Variants in KYNU observed in about 807,000 individuals in gnomAD.
KYNU encodes kynureninase, also known as L-kynurenine hydrolase.
In KYNU, 54 loss-of-function variants were observed where a neutral mutation model predicts 59.2. The observed-to-expected ratio is 0.91, with a 90% CI of 0.73 to 1.14. The LOEUF (loss-of-function observed/expected upper bound fraction) is 1.14, where lower values mean the gene tolerates loss of function less well. KYNU is among the 50% of genes most tolerant of loss of function. The probability of loss-of-function intolerance (pLI) is 0.00; values close to 1 mark genes in which losing one functional copy is unlikely to be tolerated. For missense variants in KYNU, 567 were observed against 554.4 expected, an observed-to-expected ratio of 1.02 and a Z score of -0.23; for synonymous variants, 177 against 192.0, an observed-to-expected ratio of 0.92 and a Z score of 0.65.
At chr2:142,895,843 C>A (rs1251021187) in intron 2 of KYNU, among the ~76,000 whole-genome samples, 1 of 152,110 alleles carries the variant, frequency 6.6e-6, no homozygotes, top group African/African-American at 2.4e-5. Flanking sequence ...CACCACCACA[C>A]CAGTCTCATT....
At chr2:143,021,355 G>A (rs535066070) in intron 10 of KYNU, among the ~76,000 whole-genome samples, 2 of 152,030 alleles carry the variant, frequency 1.3e-5, no homozygotes, top group Non-Finnish European at 2.9e-5. Context: ...TTTCCCAAAT[G>A]ACATTAGAAT....
At chr2:142,910,131 C>CTTTTTTTTTT in intron 2 of KYNU, among the ~76,000 whole-genome samples, 81 of 105,482 alleles carry the variant, frequency 7.7e-4, no homozygotes, top group South Asian at 1.1e-3. Context: ...TGTTCTTTGC[C>CTTTTTTTTTT]TTTTTTTTTT....
chr2:142,939,602 C>CAAAAAAAAAAAAAAAAAAAAAAAAA (rs71301737), intron 4 of KYNU, among the ~76,000 whole-genome samples: 7 of 65,100 alleles, frequency 1.1e-4, no homozygotes, highest in Non-Finnish European at 1.4e-4. Context: ...CTCCATCTCA[C>CAAAAAAAAAAAAAAAAAAAAAAAAA]AAAAAAAAAA....
intron 8 of KYNU, among the ~76,000 whole-genome samples, chr2:142,979,776 C>T (rs538079607): frequency 6.6e-6 from 1 of 152,112 alleles, no homozygotes; most frequent in South Asian, 2.1e-4. Context: ...AGTGAGAACT[C>T]ATCTACAAAA....
intron 2 of KYNU, among the ~76,000 whole-genome samples, chr2:142,900,940 G>T (rs890110774): frequency 6.6e-6 from 1 of 151,846 alleles, no homozygotes; most frequent in African/African-American, 2.4e-5. Context: ...TTCTGGAAGA[G>T]ACAAACTTAA....
At chr2:142,934,863 A>C (rs1455849012) in intron 4 of KYNU, among the ~76,000 whole-genome samples, 1 of 152,084 alleles carries the variant, frequency 6.6e-6, no homozygotes, top group East Asian at 1.9e-4. Context: ...GTCCTCCGCA[A>C]AGGGGGCATG....
intron 10 of KYNU, among the ~76,000 whole-genome samples, chr2:143,004,325 G>A (rs1685803190): frequency 2.0e-5 from 3 of 152,294 alleles, no homozygotes; most frequent in Admixed American, 2.0e-4. Context: ...AAAGTTGTGG[G>A]ATTGAGATTC....
chr2:142,954,978 A>G lies in KYNU; in HGVS notation c.435+107A>G, dbSNP rs1020546925. The stretch of plus-strand genomic sequence containing the variant: ...TGGGGGTTTACTTATTTAAAAATAA[A>G]TTGTGAGGTTATTTTCATTTTTACT... On this transcript the variant is annotated intron_variant, in intron 5 of 13. Transcript: ENST00000264170. 4 of 737,222 alleles carry G rather than the reference A, an allele frequency of 5.4e-6. No individual in the cohort carries two copies. The African/African-American group carries it at 7.1e-5, about 13-fold the overall frequency. 45.7% of individuals were successfully genotyped at this position (737,222 alleles called of 1,614,324 possible).
chr2:142,997,516 A>G (rs540845853), intron 10 of KYNU, among the ~76,000 whole-genome samples: 29 of 152,300 alleles, frequency 1.9e-4, no homozygotes, highest in African/African-American at 7.0e-4. Context: ...ATTTTAAGTT[A>G]TAGCCTTTAG....
intron 10 of KYNU, among the ~76,000 whole-genome samples, chr2:142,999,401 T>C (rs997970577): frequency 1.3e-5 from 2 of 152,196 alleles, no homozygotes; most frequent in African/African-American, 4.8e-5. Context: ...AATTAACATT[T>C]CTTTTTGTTG....
intron 10 of KYNU, among the ~76,000 whole-genome samples, chr2:143,004,045 A>C (rs1685791336): frequency 6.6e-6 from 1 of 152,246 alleles, no homozygotes; most frequent in African/African-American, 2.4e-5. Flanking sequence ...CAGAAGACAG[A>C]TTACTTAATA....
In KYNU at chr2:143,042,382, G is replaced by A. The variant is rs1687080220; in HGVS notation, c.*210G>A. 3 of 493,102 alleles carry A rather than the reference G, an allele frequency of 6.1e-6. No individual in the cohort carries two copies. The highest frequency in any genetic ancestry group is 3.6e-6 in the Non-Finnish European group (1 of 276,008). The allele number at this position is 493,102 out of a possible 1,614,324, so 30.5% of individuals were successfully genotyped here. A position where few individuals can be genotyped will look rare whatever the true frequency, so the allele number is the denominator to read the frequency against. ...GCTGCCTAGGTGCTTTGTGTTTGGGGGACCAAAACTGTGTTGGTTCAAGTA... is the reference window on the plus strand; with the variant it reads ...GCTGCCTAGGTGCTTTGTGTTTGGGAGACCAAAACTGTGTTGGTTCAAGTA... On this transcript the variant is annotated 3_prime_UTR_variant, in exon 14 of 14. Transcript: ENST00000264170.
intron 10 of KYNU, among the ~76,000 whole-genome samples, chr2:143,007,919 G>A (rs1313372410): frequency 8.7e-6 from 1 of 114,762 alleles, no homozygotes; most frequent in African/African-American, 3.9e-5. Flanking sequence ...GCTAAACATG[G>A]AAAGGAACAA....
At chr2:142,938,577 T>C (rs1249049847) in intron 4 of KYNU, among the ~76,000 whole-genome samples, 1 of 152,214 alleles carries the variant, frequency 6.6e-6, no homozygotes, top group Non-Finnish European at 1.5e-5. Context: ...TTTGTTTACA[T>C]CTCCATTTAG....
Position 143,043,889 on chromosome 2 carries a change from G to A in KYNU, c.*1717G>A, listed in dbSNP as rs1191666056. Reference sequence around the variant, plus strand: ...CTTGGATACACGTGCAGAACATGCAGGTTTGTTACATAGGTATACATGTGC... The same window carrying A: ...CTTGGATACACGTGCAGAACATGCAAGTTTGTTACATAGGTATACATGTGC... On this transcript the variant is annotated 3_prime_UTR_variant, in exon 14 of 14. Transcript: ENST00000264170. The A allele has an allele frequency of 6.7e-6, 1 of 150,306 alleles. No homozygotes were observed. Among genetic ancestry groups the A allele is most frequent in the African/African-American group, 2.4e-5 (1 of 40,906 alleles). The allele number at this position is 150,306 out of a possible 1,614,324, so 9.3% of individuals were successfully genotyped here. A position where few individuals can be genotyped will look rare whatever the true frequency, so the allele number is the denominator to read the frequency against.
chr2:143,038,955 T>C (rs570538180), intron 12 of KYNU, among the ~76,000 whole-genome samples: 1 of 152,262 alleles, frequency 6.6e-6, no homozygotes, highest in African/African-American at 2.4e-5. Flanking sequence ...TGTTTGCAGT[T>C]CATTTAGTTC....
intron 10 of KYNU, among the ~76,000 whole-genome samples, chr2:143,028,152 T>C (rs1341029975): frequency 6.6e-6 from 1 of 151,904 alleles, no homozygotes; most frequent in Admixed American, 6.6e-5. Context: ...TTTCTCTAAA[T>C]TGTTTTATAG....
intron 4 of KYNU, among the ~76,000 whole-genome samples, chr2:142,941,289 C>T (rs1190345437): frequency 6.6e-6 from 1 of 152,166 alleles, no homozygotes; most frequent in African/African-American, 2.4e-5. Context: ...TTGGAATATC[C>T]AAGGGTTTTA....
chr2:142,999,167 C>T (rs917472267), intron 10 of KYNU, among the ~76,000 whole-genome samples: 2 of 152,022 alleles, frequency 1.3e-5, no homozygotes, highest in African/African-American at 2.4e-5. Flanking sequence ...AACCTGCTCC[C>T]GATGGTTTTG....
Sources: allele counts gnomAD v4.1 joint callset (sites outside exome capture counted in the v4.1 genomes callset), GRCh38; gene constraint gnomAD v4.1.1; transcripts MANE v1.5; gene names NCBI Gene and HGNC (gene_info 2026-07-23, HGNC 2026-07-21).